The following ARMC5 variants were observed in gnomAD, a reference collection of about 807,000 sequenced individuals.
ARMC5 encodes armadillo repeat-containing protein 5.
Under a neutral mutation model 60.5 loss-of-function variants are expected in ARMC5, and 28 were observed. That is an observed-to-expected ratio of 0.46 (90% CI 0.34 to 0.63). ARMC5 has a LOEUF of 0.63. ARMC5 is among the 30% of genes least tolerant of loss of function. ARMC5 has a pLI of 0.01. For missense variants in ARMC5, 1,189 were observed against 1,304.9 expected, an observed-to-expected ratio of 0.91 and a Z score of 1.37; for synonymous variants, 680 against 607.3, an observed-to-expected ratio of 1.12 and a Z score of -1.76.
chr16:31,459,689 G>T lies in ARMC5; in HGVS notation c.165G>T (p.Ala55=), dbSNP rs757625031. Residue 55 remains alanine, a synonymous_variant, in exon 1 of 6, where the codon GCG becomes GCT. Transcript: ENST00000268314. ...LALRTRHIKA[A]GGIERFRARG... ...TCCGCACGCGCCACATCAAGGCAGC[G>T]GGGGGAATCGAGCGCTTCCGGGCAC... 7.0e-6 allele frequency: 11 copies of T among 1,570,980 alleles called. No individual in the cohort carries two copies. Among genetic ancestry groups the T allele is most frequent in the South Asian group, 5.7e-5 (5 of 88,212 alleles).
At chr16:31,458,927 G>A (rs2082271556), upstream of ARMC5, 12 of 1,535,544 alleles carry the variant, frequency 7.8e-6, no homozygotes, top group East Asian at 1.5e-4. Context: ...CTCCGGAAAC[G>A]GAAAATTCCA....
chr16:31,464,522 C>T lies in ARMC5; in HGVS notation c.1499C>T (p.Ala500Val), dbSNP rs536986858. 217 of 1,601,960 alleles carry T rather than the reference C, an allele frequency of 1.4e-4. 1 individual carries two copies. The highest frequency in any genetic ancestry group is 1.7e-4 in the Non-Finnish European group (201 of 1,175,170). ...SPAPTPTSLRAPRTQRTPGRS... is the reference protein window; with the variant it reads ...SPAPTPTSLRVPRTQRTPGRS... ...GCCCCGACCCCGACCTCGCTGCGGG[C>T]ACCACGCACCCAACGCACTCCGGGC... Residue 500 changes from alanine (A) to valine (V), a missense_variant, in exon 4 of 6, where the codon GCA (alanine) becomes GTA (valine). Ala to Val is a moderately conservative substitution (Grantham distance 64). Coordinates refer to ENST00000268314, the MANE Select transcript of ARMC5 (RefSeq NM_001105247.2). This position sits in a 1 kb window ranked among gnomAD's most constrained non-coding sequence, Gnocchi z 7.6.
chr16:31,466,709 C>A lies in ARMC5; in HGVS notation c.2628C>A (p.Gly876=). 6.4e-7 allele frequency: 1 copy of A among 1,558,712 alleles called. No individual in the cohort carries two copies. Among genetic ancestry groups the A allele is most frequent in the Non-Finnish European group, 8.7e-7 (1 of 1,152,342 alleles). ...PESVGEVFRL[G]RPRLAAHCAR... ...CAGTGGGTGAGGTGTTCCGCCTGGG[C>A]CGGCCCCGGCTGGCTGCCCACTGTG... Residue 876 remains glycine (G), a synonymous_variant, in exon 6 of 6, where the codon GGC becomes GGA. Coordinates refer to ENST00000268314, the MANE Select transcript of ARMC5 (RefSeq NM_001105247.2). The surrounding 1 kb of genome is among the most constrained non-coding windows in gnomAD (Gnocchi z 8.0).
chr16:31,458,706 C>A (rs1382968181), upstream of ARMC5: 3 of 1,456,186 alleles, frequency 2.1e-6, no homozygotes, highest in African/African-American at 1.4e-5. Flanking sequence ...GCTGCTCAGG[C>A]GGAGCCACCT....
rs539742043 is a variant in ARMC5 at position 31,462,420 on chromosome 16, C to A, written c.873C>A (p.Ser291=). The A allele has an allele frequency of 6.2e-6, 10 of 1,610,916 alleles. No homozygotes were observed. In the South Asian group the frequency reaches 9.9e-5, roughly 16 times the overall value. Residue 291 remains serine, a synonymous_variant, in exon 3 of 6, where the codon TCC becomes TCA. Transcript: ENST00000268314. This position sits in a 1 kb window ranked among gnomAD's most constrained non-coding sequence, Gnocchi z 7.2. The part of the protein sequence containing the change: ...GGLGPLVSLA[S]HPKRAVREGT... ...TGGGCCCACTCGTCAGCCTGGCTTC[C>A]CACCCCAAGCGGGCAGTACGCGAGG...
rs774461415 is a variant in ARMC5, at chr16:31,459,520, C to G, written c.-5C>G. On this transcript the variant is annotated 5_prime_UTR_variant, in exon 1 of 6. Coordinates refer to ENST00000268314, the MANE Select transcript of ARMC5 (RefSeq NM_001105247.2). Reference sequence around the variant, plus strand: ...AGCGGGGCGGAGTCTGAGGCCCGAGCCAAGATGGCGGCTGCGAAGCCAACC... The same window carrying G: ...AGCGGGGCGGAGTCTGAGGCCCGAGGCAAGATGGCGGCTGCGAAGCCAACC... 1.2e-6 allele frequency: 2 copies of G among 1,600,150 alleles called. No individual in the cohort carries two copies. Among genetic ancestry groups the G allele is most frequent in the African/African-American group, 1.3e-5 (1 of 74,858 alleles).
rs370922403 is a variant in ARMC5, at chr16:31,464,613, G to T, written c.1590G>T (p.Ser530=). 1.3e-6 allele frequency: 2 copies of T among 1,594,186 alleles called. No individual in the cohort carries two copies. The highest frequency in any genetic ancestry group is 1.7e-6 in the Non-Finnish European group (2 of 1,176,414). ...AAGGGCCAGCCCTGCTGCTGCTGTCGCGCTTTTCCCAGGCCCCTGACCCAA... is the reference window on the plus strand; with the variant it reads ...AAGGGCCAGCCCTGCTGCTGCTGTCTCGCTTTTCCCAGGCCCCTGACCCAA... ...GREGPALLLL[S]RFSQAPDPSG... The change falls in exon 4 of 6, where the codon TCG becomes TCT. Residue 530 remains serine, a synonymous_variant. Transcript: ENST00000268314. The surrounding 1 kb of genome is among the most constrained non-coding windows in gnomAD (Gnocchi z 7.6).
intron 1 of ARMC5, among the ~76,000 whole-genome samples, chr16:31,461,359 T>G (rs545935879): frequency 1.3e-5 from 2 of 152,288 alleles, no homozygotes; most frequent in East Asian, 3.9e-4. Flanking sequence ...GGCCTGACAT[T>G]TGAAGCCTTT....
Position 31,459,541 on chromosome 16 carries a change from C to G in ARMC5, c.17C>G (p.Pro6Arg), listed in dbSNP as rs1200822585. The G allele has an allele frequency of 1.7e-5, 28 of 1,605,546 alleles. No individual in the cohort carries two copies. Among genetic ancestry groups the G allele is most frequent in the Non-Finnish European group, 2.2e-5 (26 of 1,178,814 alleles). Residue 6 changes from proline to arginine, a missense_variant, in exon 1 of 6, where the codon CCA (proline) becomes CGA (arginine). By Grantham distance (103) the Pro-to-Arg change is moderately radical. Transcript: ENST00000268314. ...CGAGCCAAGATGGCGGCTGCGAAGC[C>G]AACCCTCACGGACTCGCTCTCGTTC... MAAAK[P>R]TLTDSLSFCL...
chr16:31,460,019 T>C lies in ARMC5; in HGVS notation c.475+20T>C. 1.3e-6 allele frequency: 2 copies of C among 1,591,986 alleles called. No individual in the cohort carries two copies. Among genetic ancestry groups the C allele is most frequent in the Non-Finnish European group, 8.5e-7 (1 of 1,176,678 alleles). On this transcript the variant is annotated intron_variant, in intron 1 of 5. Transcript: ENST00000268314. Reference sequence around the variant, plus strand: ...CTTTGGGTAAGTGCTCCGCCCCCGTTTCCTAGAAAGATTAGGTTTGCAACT... The same window carrying C: ...CTTTGGGTAAGTGCTCCGCCCCCGTCTCCTAGAAAGATTAGGTTTGCAACT...
chr16:31,460,040 C>G (rs201551861), intron 1 of ARMC5, 41 bp downstream of exon 1: 1 of 1,588,272 alleles, frequency 6.3e-7, no homozygotes, highest in Non-Finnish European at 8.5e-7. Flanking sequence ...ATTAGGTTTG[C>G]AACTCCCTTG....
upstream of ARMC5, chr16:31,458,844 C>T: frequency 1.3e-6 from 2 of 1,534,862 alleles, no homozygotes; most frequent in Non-Finnish European, 1.7e-6. Flanking sequence ...AAGAACTCCC[C>T]GTTTCCTAGA....
In ARMC5 at chr16:31,464,239, A is replaced by G. The variant is rs2082329011; in HGVS notation, c.1371-155A>G. Among the ~76,000 whole-genome samples the G allele has an allele frequency of 6.7e-6, 1 of 148,608 alleles. No homozygotes were observed. The highest frequency in any genetic ancestry group is 2.5e-5 in the African/African-American group (1 of 40,456). On this transcript the variant is annotated intron_variant, in intron 3 of 5. Transcript: ENST00000268314. This position sits in a 1 kb window ranked among gnomAD's most constrained non-coding sequence, Gnocchi z 7.6. Reference sequence around the variant, plus strand: ...CAGGAGTTCAAGGCTGCAGTGAGCTAGGATCCCACAACTGCATTCCAGCCT... The same window carrying G: ...CAGGAGTTCAAGGCTGCAGTGAGCTGGGATCCCACAACTGCATTCCAGCCT...
Position 31,466,851 on chromosome 16 carries a change from G to T in ARMC5, c.2770G>T (p.Val924Leu), listed in dbSNP as rs1287667027. The T allele has an allele frequency of 6.3e-7, 1 of 1,590,300 alleles. No homozygotes were observed. The highest frequency in any genetic ancestry group is 8.6e-7 in the Non-Finnish European group (1 of 1,169,412). ...GPLTEALLAV[V>L]MGIELGARVP... is the part of the protein sequence containing the mutation. ...CCTGACGGAGGCTTTGCTGGCTGTG[G>T]TGATGGGGATTGAGTTGGGGGCAAG... The change falls in exon 6 of 6, where the codon GTG becomes TTG. Residue 924 changes from valine to leucine, a missense_variant. Coordinates refer to ENST00000268314, the MANE Select transcript of ARMC5 (RefSeq NM_001105247.2). This position sits in a 1 kb window ranked among gnomAD's most constrained non-coding sequence, Gnocchi z 8.0.
chr16:31,459,745 T>C lies in ARMC5; in HGVS notation c.221T>C (p.Leu74Pro), dbSNP rs1229417927. 6.5e-7 allele frequency: 1 copy of C among 1,545,848 alleles called. No homozygotes were observed. The highest frequency in any genetic ancestry group is 1.2e-5 in the South Asian group (1 of 84,794). The part of the protein sequence containing the change: ...RGGLRPLLAL[L>P]RRAAAAGSAP... ...GGGCTCCGCCCCCTACTCGCGCTGC[T>C]ACGGCGAGCGGCTGCAGCGGGTTCC... Residue 74 changes from leucine (L) to proline (P), a missense_variant, in exon 1 of 6, where the codon CTA becomes CCA. Coordinates refer to ENST00000268314, the MANE Select transcript of ARMC5 (RefSeq NM_001105247.2).
intron 1 of ARMC5, among the ~76,000 whole-genome samples, chr16:31,461,407 G>A (rs531950647): frequency 1.3e-5 from 2 of 152,240 alleles, no homozygotes; most frequent in East Asian, 1.9e-4. Flanking sequence ...CTTTGGAAAG[G>A]CTGCTTCCAA....
In ARMC5 at chr16:31,459,942, T is replaced by TGTAC; in HGVS notation, c.420_423dup (p.Glu142TyrfsTer46). On this transcript the variant is annotated frameshift_variant, in exon 1 of 6. Coordinates refer to ENST00000268314, the MANE Select transcript of ARMC5 (RefSeq NM_001105247.2). LOFTEE classifies it high-confidence loss of function. The stretch of plus-strand genomic sequence containing the variant: ...GGCGCTCAGCATCCTAGCCGATTGC[T>TGTAC]GTACGGAAGGGGCGTGCCGGACCGA... 6.2e-7 allele frequency: 1 copy of TGTAC among 1,604,432 alleles called. No homozygotes were observed. Among genetic ancestry groups the TGTAC allele is most frequent in the Non-Finnish European group, 8.5e-7 (1 of 1,179,580 alleles).
At chr16:31,465,315 T>C (rs2142577005) in intron 4 of ARMC5, 3 of 1,441,386 alleles carry the variant, frequency 2.1e-6, no homozygotes, top group Non-Finnish European at 2.7e-6. Flanking sequence ...ATGGCGTTAC[T>C]GCTAGACCAA....
At chr16:31,465,804 C>G in intron 4 of ARMC5, 46 bp from the exon 5 acceptor site, 1 of 1,602,506 alleles carries the variant, frequency 6.2e-7, no homozygotes, top group Non-Finnish European at 8.5e-7. Context: ...CTCACCCCAC[C>G]TGTCTTAGAC....
Sources: gnomAD v4.1 joint callset for allele counts (sites outside exome capture counted in the v4.1 genomes callset) on GRCh38, gnomAD v4.1.1 for gene constraint, Gnocchi (gnomAD v3.1) non-coding constraint, MANE v1.5 for transcripts, NCBI Gene and HGNC (gene_info 2026-07-23, HGNC 2026-07-21) for gene names.